The following ATF7IP variants were observed in gnomAD, a reference collection of about 807,000 sequenced individuals.
ATF7IP encodes the protein activating transcription factor 7 interacting protein, also known as activating transcription factor 7-interacting protein 1.
ATF7IP carries 23 observed loss-of-function variants against 106.4 expected under a neutral mutation model. The observed-to-expected ratio is 0.22, with a 90% CI of 0.16 to 0.31. The LOEUF (loss-of-function observed/expected upper bound fraction) is 0.31, where lower values mean the gene tolerates loss of function less well. Among genes scored for constraint, ATF7IP ranks in the 10% least tolerant of loss-of-function variants. The pLI, the probability that ATF7IP is intolerant of heterozygous loss-of-function variation, is 1.00. For synonymous variants in ATF7IP, 542 were observed against 539.0 expected (o/e 1.01, Z -0.08); for missense variants, 1,334 against 1,524.3 (o/e 0.88, Z 2.08).
intron 1 of ATF7IP, among the ~76,000 whole-genome samples, chr12:14,413,141 A>G (rs1941014534): frequency 6.6e-6 from 1 of 152,210 alleles, no homozygotes; most frequent in Non-Finnish European, 1.5e-5. Context: ...TCTTAGGGTG[A>G]AAGATTTCAG....
chr12:14,481,632 G>A (rs910619416), intron 13 of ATF7IP: 1 of 445,024 alleles, frequency 2.2e-6, no homozygotes, highest in Non-Finnish European at 4.5e-6. Flanking sequence ...GAAAATTGTT[G>A]ATGTATACTA....
In ATF7IP at chr12:14,498,419, C is replaced by T. The variant is rs371284543; in HGVS notation, c.*346C>T. On this transcript the variant is annotated 3_prime_UTR_variant, in exon 15 of 15. Coordinates refer to ENST00000261168, the MANE Select transcript of ATF7IP (RefSeq NM_018179.5). ...ATTCTCAAATTTACCTCTTAAAGTA[C>T]GAAGTAAGTAGATCAAAGGATTTGA... is the stretch of plus-strand genomic sequence containing the variant. 6 of 198,836 alleles carry T rather than the reference C, an allele frequency of 3.0e-5. No individual in the cohort carries two copies. Among genetic ancestry groups the T allele is most frequent in the African/African-American group, 9.3e-5 (4 of 43,078 alleles). 12.3% of individuals were successfully genotyped at this position (198,836 alleles called of 1,614,324 possible).
At chr12:14,483,389 C>G (rs116983797) in intron 13 of ATF7IP, among the ~76,000 whole-genome samples, 1,974 of 152,268 alleles carry the variant, frequency 0.013, 21 homozygotes, top group Middle Eastern at 0.02. Flanking sequence ...TAGTCCGGGA[C>G]AGTCACCACA....
intron 1 of ATF7IP, among the ~76,000 whole-genome samples, chr12:14,413,007 A>G (rs976593615): frequency 5.9e-5 from 9 of 152,202 alleles, no homozygotes; most frequent in Non-Finnish European, 8.8e-5. Flanking sequence ...GAGAGGGACC[A>G]TGTCTCAAAA....
intron 9 of ATF7IP, 41 bp from the exon 10 acceptor site, chr12:14,466,484 AT>A: frequency 1.3e-6 from 2 of 1,525,120 alleles, no homozygotes; most frequent in Non-Finnish European, 1.8e-6. Context: ...AACTTTTTAC[AT>A]TTTGTAGATG....
At chr12:14,402,070 T>G (rs1339176264) in intron 1 of ATF7IP, among the ~76,000 whole-genome samples, 1 of 151,688 alleles carries the variant, frequency 6.6e-6, no homozygotes, top group Non-Finnish European at 1.5e-5. Context: ...ATTTTCTTTT[T>G]TTTTTCTTTC....
Position 14,370,514 on chromosome 12 carries a change from G to T in ATF7IP, c.-8+4687G>T, listed in dbSNP as rs1240161280. Among the ~76,000 whole-genome samples the T allele has an allele frequency of 2.6e-5, 4 of 151,846 alleles. No individual in the cohort carries two copies. In the East Asian group the frequency reaches 5.8e-4, roughly 22 times the overall value. On this transcript the variant is annotated intron_variant, in intron 1 of 14. Transcript: ENST00000261168. ...TGCAGATCAACTTTAGGTTCATTTGGTTAATTAAGAAAAAAAAGCCAGCTA... is the reference window on the plus strand; with the variant it reads ...TGCAGATCAACTTTAGGTTCATTTGTTTAATTAAGAAAAAAAAGCCAGCTA...
chr12:14,495,695 C>T (rs1417280748), intron 13 of ATF7IP, among the ~76,000 whole-genome samples: 1 of 152,124 alleles, frequency 6.6e-6, no homozygotes, highest in Non-Finnish European at 1.5e-5. Context: ...ATGAGAGGAA[C>T]CTCATTAATA....
intron 2 of ATF7IP, among the ~76,000 whole-genome samples, chr12:14,432,630 C>G (rs1942195974): frequency 6.6e-6 from 1 of 152,080 alleles, no homozygotes; most frequent in Non-Finnish European, 1.5e-5. Flanking sequence ...ATCAATGATC[C>G]TTGTCCTTGC....
intron 12 of ATF7IP, among the ~76,000 whole-genome samples, chr12:14,479,795 A>G (rs777186011): frequency 3.9e-5 from 6 of 152,150 alleles, no homozygotes; most frequent in African/African-American, 1.4e-4. Context: ...TCTGGTGTGT[A>G]GATTTTATAT....
At chr12:14,450,543 T>G (rs1943164365) in intron 6 of ATF7IP, among the ~76,000 whole-genome samples, 1 of 152,220 alleles carries the variant, frequency 6.6e-6, no homozygotes, top group Non-Finnish European at 1.5e-5. Context: ...TCTTTTTACA[T>G]GCTGTTGAAT....
chr12:14,488,658 C>G (rs576447972), intron 13 of ATF7IP, among the ~76,000 whole-genome samples: 1 of 152,132 alleles, frequency 6.6e-6, no homozygotes, highest in Non-Finnish European at 1.5e-5. Context: ...ACAAGTCTAC[C>G]GCTTGTCAAC....
At chr12:14,441,311 T>A (rs1359340491) in intron 5 of ATF7IP, among the ~76,000 whole-genome samples, 1 of 152,164 alleles carries the variant, frequency 6.6e-6, no homozygotes, top group Non-Finnish European at 1.5e-5. Flanking sequence ...AGGGTTTTGA[T>A]TTGCATTTCC....
intron 6 of ATF7IP, among the ~76,000 whole-genome samples, chr12:14,448,288 G>A (rs915163580): frequency 3.9e-5 from 6 of 152,054 alleles, no homozygotes; most frequent in Non-Finnish European, 5.9e-5. Context: ...AAATCTTATC[G>A]CTGTAGTACA....
At chr12:14,459,595 A>C (rs1943562708) in intron 8 of ATF7IP, among the ~76,000 whole-genome samples, 1 of 152,178 alleles carries the variant, frequency 6.6e-6, no homozygotes, top group African/African-American at 2.4e-5. Flanking sequence ...TAAACAGTCA[A>C]ATAATGTCTC....
chr12:14,487,649 T>A (rs1313607106), intron 13 of ATF7IP, among the ~76,000 whole-genome samples: 1 of 152,204 alleles, frequency 6.6e-6, no homozygotes, highest in Non-Finnish European at 1.5e-5. Flanking sequence ...TCTTTTGTTG[T>A]AGGTTAGCCA....
chr12:14,370,483 T>C (rs1404781197), intron 1 of ATF7IP, among the ~76,000 whole-genome samples: 1 of 152,318 alleles, frequency 6.6e-6, no homozygotes, highest in East Asian at 1.9e-4. Context: ...TGATTTTGAC[T>C]GTTTTTGCAG....
chr12:14,370,417 A>G (rs925250372), intron 1 of ATF7IP, among the ~76,000 whole-genome samples: 1 of 152,176 alleles, frequency 6.6e-6, no homozygotes, highest in African/African-American at 2.4e-5. Context: ...TTGTAGTGCT[A>G]TATCCTATAT....
intron 1 of ATF7IP, among the ~76,000 whole-genome samples, chr12:14,417,853 A>G (rs927526879): frequency 6.6e-6 from 1 of 152,118 alleles, no homozygotes; most frequent in Non-Finnish European, 1.5e-5. Context: ...TTCTGACCTT[A>G]TTGTCTGTCT....
Sources: gnomAD v4.1 joint callset for allele counts (sites outside exome capture counted in the v4.1 genomes callset) on GRCh38, gnomAD v4.1.1 for gene constraint, MANE v1.5 for transcripts, NCBI Gene and HGNC (gene_info 2026-07-23, HGNC 2026-07-21) for gene names.